Variants in CBL observed in about 807,000 individuals in gnomAD.
CBL encodes the protein E3 ubiquitin-protein ligase CBL.
A neutral mutation model predicts 96.9 loss-of-function variants in CBL; 45 were observed. That is an observed-to-expected ratio of 0.46 (90% CI 0.37 to 0.60). The LOEUF (loss-of-function observed/expected upper bound fraction) is 0.60, where lower values mean the gene tolerates loss of function less well. Ranked by LOEUF, CBL falls within the 20% of genes least tolerant of loss-of-function variation. CBL has a pLI of 0.00. For synonymous variants in CBL, 420 were observed against 426.8 expected (o/e 0.98, Z 0.20); for missense variants, 1,024 against 1,143.5 (o/e 0.90, Z 1.51).
At chr11:119,294,467 C>T (rs1220681107) in intron 12 of CBL, among the ~76,000 whole-genome samples, 2 of 147,466 alleles carry the variant, frequency 1.4e-5, no homozygotes, top group Non-Finnish European at 3.0e-5. Flanking sequence ...GCCCTTTTTA[C>T]AAAAATAATA....
Position 119,299,533 on chromosome 11 carries a change from A to C in CBL, c.2473A>C (p.Lys825Gln), listed in dbSNP as rs1591271119. ...TTCCCAAGTTCCCGAGAGGCCTCCA[A>C]AACCATTCCCGCGGAGAATCAACTC... ...EGSQVPERPPKPFPRRINSER... is the reference protein window; with the variant it reads ...EGSQVPERPPQPFPRRINSER... Residue 825 changes from lysine to glutamine, a missense_variant, in exon 16 of 16, where the codon AAA (lysine) becomes CAA (glutamine). Around this residue, in one of 4 missense-constraint regions of CBL, gnomAD observed 695 missense variants for 661.6 expected, o/e 1.05. Coordinates refer to ENST00000264033, the MANE Select transcript of CBL (RefSeq NM_005188.4). The C allele has an allele frequency of 2.5e-6, 4 of 1,614,182 alleles. No homozygotes were observed. In the East Asian group the frequency reaches 8.9e-5, roughly 36 times the overall value.
intron 2 of CBL, among the ~76,000 whole-genome samples, chr11:119,271,417 G>A (rs1350028445): frequency 1.3e-5 from 2 of 152,226 alleles, no homozygotes; most frequent in Non-Finnish European, 2.9e-5. Flanking sequence ...GGAGATACAA[G>A]TGGAGGCAGT....
rs532951408 is a variant in CBL, at chr11:119,305,184, T to A, written c.*5403T>A. 8.8e-6 allele frequency: 2 copies of A among 227,880 alleles called. No homozygotes were observed. The highest frequency in any genetic ancestry group is 4.4e-5 in the African/African-American group (2 of 45,152). 14.1% of individuals were successfully genotyped at this position (227,880 alleles called of 1,614,324 possible). A position where few individuals can be genotyped will look rare whatever the true frequency, so the allele number is the denominator to read the frequency against. On this transcript the variant is annotated 3_prime_UTR_variant, in exon 16 of 16. Transcript: ENST00000264033. ...AGTTTGTCTGGGACATCATAGAAATTCTTAGGTTTAACTTAATTCTGGTCA... is the reference window on the plus strand; with the variant it reads ...AGTTTGTCTGGGACATCATAGAAATACTTAGGTTTAACTTAATTCTGGTCA...
Position 119,300,396 on chromosome 11 carries a change from C to T in CBL, c.*615C>T, listed in dbSNP as rs769151797. 267 of 406,148 alleles carry T rather than the reference C, an allele frequency of 6.6e-4. No homozygotes were observed. The Middle Eastern group carries it at 0.011, about 17-fold the overall frequency. 25.2% of individuals were successfully genotyped at this position (406,148 alleles called of 1,614,324 possible). ...TAGAACACCTTCTGTCTGTTCTTTC[C>T]CCATCAACTCCTTCCTCATCCTTCT... On this transcript the variant is annotated 3_prime_UTR_variant, in exon 16 of 16. Coordinates refer to ENST00000264033, the MANE Select transcript of CBL (RefSeq NM_005188.4).
Position 119,306,592 on chromosome 11 carries a change from T to G in CBL, c.*6811T>G, listed in dbSNP as rs1591275649. The G allele has an allele frequency of 1.0e-5, 4 of 382,274 alleles. No individual in the cohort carries two copies. In the East Asian group the frequency reaches 1.5e-4, roughly 14 times the overall value. The allele number at this position is 382,274 out of a possible 1,614,324, so 23.7% of individuals were successfully genotyped here. On this transcript the variant is annotated 3_prime_UTR_variant, in exon 16 of 16. Transcript: ENST00000264033. Reference sequence around the variant, plus strand: ...TCTCTACCTACCTCTGACCTTCTTGTGGGTGAGGGTGGCCATGCTTATGGC... The same window carrying G: ...TCTCTACCTACCTCTGACCTTCTTGGGGGTGAGGGTGGCCATGCTTATGGC...
intron 2 of CBL, among the ~76,000 whole-genome samples, chr11:119,248,820 T>G (rs1319395056): frequency 1.3e-5 from 2 of 152,080 alleles, no homozygotes; most frequent in African/African-American, 4.8e-5. Flanking sequence ...TGCTCAAAAG[T>G]TTTGAATAGA....
intron 2 of CBL, among the ~76,000 whole-genome samples, chr11:119,235,627 G>C (rs1165640361): frequency 6.6e-6 from 1 of 152,046 alleles, no homozygotes; most frequent in East Asian, 1.9e-4. Flanking sequence ...GGGTGGAAGG[G>C]GAGGCAGGAG....
chr11:119,296,015 G>A (rs535023835), intron 12 of CBL, among the ~76,000 whole-genome samples: 17 of 152,276 alleles, frequency 1.1e-4, no homozygotes, highest in African/African-American at 4.1e-4. Flanking sequence ...CCTAATAAAA[G>A]TAATATGTAG....
chr11:119,224,426 A>G (rs1025897131), intron 1 of CBL, among the ~76,000 whole-genome samples: 1 of 152,014 alleles, frequency 6.6e-6, no homozygotes, highest in South Asian at 2.1e-4. Context: ...AAAGTCACAC[A>G]TAACTTTTGA....
chr11:119,225,565 T>C (rs910372760), intron 1 of CBL, among the ~76,000 whole-genome samples: 12 of 151,796 alleles, frequency 7.9e-5, no homozygotes, highest in African/African-American at 2.9e-4. Flanking sequence ...ATCCAGTTAA[T>C]TTTTGGTATT....
intron 2 of CBL, among the ~76,000 whole-genome samples, chr11:119,245,991 G>T (rs1162649714): frequency 2.3e-4 from 6 of 25,668 alleles, no homozygotes; most frequent in Non-Finnish European, 5.6e-4. Context: ...TTTTTTTTTT[G>T]AGGAGATGGA....
At position 119,298,585 on chromosome 11, in the gene CBL, G is replaced by A. The variant is rs1591270698; in HGVS notation, c.2434+45G>A. On this transcript the variant is annotated intron_variant, in intron 15 of 15. Coordinates refer to ENST00000264033, the MANE Select transcript of CBL (RefSeq NM_005188.4). ...TGGGTTTGTCCTGAATGGCAGTGTG[G>A]CCTGTATGTTTATATTGAAAGGGAG... 3 of 1,536,322 alleles carry A rather than the reference G, an allele frequency of 2.0e-6. No individual in the cohort carries two copies. In the East Asian group the frequency reaches 6.7e-5, roughly 35 times the overall value.
chr11:119,265,173 G>A (rs529301804), intron 2 of CBL, among the ~76,000 whole-genome samples: 10 of 152,258 alleles, frequency 6.6e-5, no homozygotes, highest in East Asian at 3.9e-4. Flanking sequence ...GAGCTGCTGC[G>A]CCCAGCCTAA....
chr11:119,257,088 G>A lies in CBL; in HGVS notation c.444-14647G>A, dbSNP rs554448891. 2.0e-5 allele frequency among the ~76,000 whole-genome samples: 3 copies of A among 152,348 alleles called. No homozygotes were observed. The South Asian group carries it at 6.2e-4, about 32-fold the overall frequency. ...TTATTTTCCTTTAGGTAGATACCCAGTGGTGGGCTTGCTGGATTGAATTGG... is the reference window on the plus strand; with the variant it reads ...TTATTTTCCTTTAGGTAGATACCCAATGGTGGGCTTGCTGGATTGAATTGG... On this transcript the variant is annotated intron_variant, in intron 2 of 15. Coordinates refer to ENST00000264033, the MANE Select transcript of CBL (RefSeq NM_005188.4).
At position 119,307,425 on chromosome 11, in the gene CBL, C is replaced by A. The variant is rs569089376; in HGVS notation, c.*7644C>A. On this transcript the variant is annotated 3_prime_UTR_variant, in exon 16 of 16. Transcript: ENST00000264033. ...TGCTGGATCCTGAACTGGTCTAGAC[C>A]TCCTGCCCCCACCCCCCAGCCCCCA... 8.6e-6 allele frequency: 2 copies of A among 232,772 alleles called. No homozygotes were observed. The highest frequency in any genetic ancestry group is 1.7e-5 in the Non-Finnish European group (2 of 117,574). The allele number at this position is 232,772 out of a possible 1,614,324, so 14.4% of individuals were successfully genotyped here.
intron 9 of CBL, among the ~76,000 whole-genome samples, chr11:119,283,698 C>T (rs775468435): frequency 9.9e-5 from 12 of 120,724 alleles, no homozygotes; most frequent in Non-Finnish European, 1.6e-4. Context: ...AGTGCAGTGG[C>T]GCTATCTCGG....
At chr11:119,233,961 G>A (rs1789595981) in intron 2 of CBL, among the ~76,000 whole-genome samples, 1 of 152,180 alleles carries the variant, frequency 6.6e-6, no homozygotes, top group Admixed American at 6.5e-5. Context: ...TGTAGTCTGA[G>A]TAATGGACTC....
At chr11:119,229,300 A>G (rs1330544231) in intron 1 of CBL, among the ~76,000 whole-genome samples, 1 of 152,184 alleles carries the variant, frequency 6.6e-6, no homozygotes, top group East Asian at 1.9e-4. Flanking sequence ...TACTTAGAAT[A>G]TAGTTATCTT....
chr11:119,210,613 T>C (rs988337492), intron 1 of CBL, among the ~76,000 whole-genome samples: 2 of 146,632 alleles, frequency 1.4e-5, no homozygotes, highest in South Asian at 4.4e-4. Flanking sequence ...ATTTTTTTTT[T>C]TTTTTTTTTT....
Sources: allele counts gnomAD v4.1 joint callset (sites outside exome capture counted in the v4.1 genomes callset), GRCh38; gene constraint gnomAD v4.1.1; regional missense constraint gnomAD v4.1.1; transcripts MANE v1.5; gene names NCBI Gene and HGNC (gene_info 2026-07-23, HGNC 2026-07-21).